Variants in MTOR observed in about 807,000 individuals in gnomAD.
MTOR encodes mechanistic target of rapamycin kinase.
MTOR carries 70 observed loss-of-function variants against 319.8 expected under a neutral mutation model. The observed-to-expected ratio is 0.22, with a 90% CI of 0.18 to 0.27. The LOEUF (loss-of-function observed/expected upper bound fraction) is 0.27. Among genes scored for constraint, MTOR ranks in the 10% least tolerant of loss-of-function variants. MTOR has a pLI of 1.00. For synonymous variants in MTOR, 1,183 were observed against 1,211.4 expected (o/e 0.98, Z 0.49); for missense variants, 1,890 against 3,274.4 (o/e 0.58, Z 10.32).
chr1:11,106,709 G>A lies in MTOR; in HGVS notation c.*776C>T. 1.7e-6 allele frequency: 2 copies of A among 1,186,460 alleles called. No individual in the cohort carries two copies. The highest frequency in any genetic ancestry group is 4.6e-5 in the South Asian group (2 of 43,532). 73.5% of individuals were successfully genotyped at this position (1,186,460 alleles called of 1,614,324 possible). ...TCAGCACCTCCATGACAGTATTTCT[G>A]TTTTCTGAGCCCTTGCTCTAAACAG... is the stretch of plus-strand genomic sequence containing the variant. On this transcript the variant is annotated 3_prime_UTR_variant, in exon 58 of 58. Transcript: ENST00000361445.
intron 29 of MTOR, among the ~76,000 whole-genome samples, chr1:11,162,644 A>G (rs975546704): frequency 1.6e-4 from 24 of 152,234 alleles, no homozygotes; most frequent in Non-Finnish European, 3.2e-4. Flanking sequence ...ATTCTTAAAG[A>G]GAAGAATTTT....
At chr1:11,171,203 A>G (rs558690863) in intron 28 of MTOR, among the ~76,000 whole-genome samples, 1 of 151,858 alleles carries the variant, frequency 6.6e-6, no homozygotes, top group Non-Finnish European at 1.5e-5. Flanking sequence ...TCAAAAAAAA[A>G]AAAAAGAAAA....
At chr1:11,243,078 T>TG in intron 9 of MTOR, 36 bp downstream of exon 9, 1 of 1,608,948 alleles carries the variant, frequency 6.2e-7, no homozygotes, top group Non-Finnish European at 8.5e-7. Context: ...TCCAACCAAA[T>TG]GGAGTGGAAG....
chr1:11,255,809 T>C (rs1310145487), intron 5 of MTOR, among the ~76,000 whole-genome samples, 183 bp downstream of exon 5: 1 of 142,176 alleles, frequency 7.0e-6, no homozygotes, highest in East Asian at 2.1e-4. Flanking sequence ...ATTGCGCCAC[T>C]GCACTCCAGC....
intron 1 of MTOR, among the ~76,000 whole-genome samples, chr1:11,262,026 AC>A (rs1557505034): frequency 6.6e-6 from 1 of 152,182 alleles, no homozygotes; most frequent in Non-Finnish European, 1.5e-5. Context: ...CAACGATGTA[AC>A]CAAGCTCAGT....
In MTOR at chr1:11,139,301, G is replaced by A. The variant is rs1467074162; in HGVS notation, c.5130+3C>T. 3.1e-6 allele frequency: 5 copies of A among 1,603,152 alleles called. No individual in the cohort carries two copies. In the South Asian group the frequency reaches 4.5e-5, roughly 14 times the overall value. On this transcript the variant is annotated splice_donor_region_variant and intron_variant, in intron 36 of 57. Coordinates refer to ENST00000361445, the MANE Select transcript of MTOR (RefSeq NM_004958.4). ...TCTGTTCTGGATGCATTGGGATACAGACCTTGCGGGCACTCTTCCACATGT... is the reference window on the plus strand; with the variant it reads ...TCTGTTCTGGATGCATTGGGATACAAACCTTGCGGGCACTCTTCCACATGT...
At position 11,206,697 on chromosome 1, in the gene MTOR, T is replaced by C. The variant is rs565359970; in HGVS notation, c.3802-1994A>G. ...CCTTTCCCCCTGCTCTGTAAAACAT[T>C]ATCAACTCTCAATTCTCTGGGTTCT... On this transcript the variant is annotated intron_variant, in intron 25 of 57. Coordinates refer to ENST00000361445, the MANE Select transcript of MTOR (RefSeq NM_004958.4). 2.6e-4 allele frequency among the ~76,000 whole-genome samples: 40 copies of C among 152,324 alleles called. No individual in the cohort carries two copies. In the South Asian group the frequency reaches 7.7e-3, roughly 29 times the overall value.
intron 15 of MTOR, 117 bp from the exon 16 acceptor site, chr1:11,232,645 A>G: frequency 2.8e-6 from 2 of 727,070 alleles, no homozygotes; most frequent in Non-Finnish European, 4.6e-6. Flanking sequence ...GAGGCTGAGG[A>G]GGGCAGATCA....
In MTOR at chr1:11,127,738, T is replaced by C. The variant is rs148128316; in HGVS notation, c.6102A>G (p.Ala2034=). The part of the protein sequence containing the change: ...HEMWHEGLEE[A]SRLYFGERNV... ...TCCTTTCCCCAAAGTACAAACGAGA[T>C]GCCTCTTCCAGGCCTTCATGCCACA... Residue 2034 remains alanine, a synonymous_variant, in exon 44 of 58, where the codon GCA becomes GCG. Coordinates refer to ENST00000361445, the MANE Select transcript of MTOR (RefSeq NM_004958.4). The surrounding 1 kb of genome is among the most constrained non-coding windows in gnomAD (Gnocchi z 5.5). The C allele has an allele frequency of 1.4e-5, 23 of 1,614,148 alleles. No individual in the cohort carries two copies. In the Admixed American group the frequency reaches 3.0e-4, roughly 21 times the overall value.
At chr1:11,132,283 A>G (rs1487776939) in intron 38 of MTOR, 2 of 152,234 alleles carry the variant, frequency 1.3e-5, no homozygotes, top group Non-Finnish European at 2.9e-5. Context: ...AGCTTTGGAC[A>G]TGCAAGCTGT....
chr1:11,174,675 G>GA (rs1248791201), intron 28 of MTOR, among the ~76,000 whole-genome samples: 3 of 152,216 alleles, frequency 2.0e-5, no homozygotes. Context: ...ACTGAAGGCA[G>GA]AGACTGTATG....
intron 56 of MTOR, 30 bp from the exon 57 acceptor site, chr1:11,108,316 T>C: frequency 1.3e-6 from 2 of 1,552,992 alleles, no homozygotes; most frequent in South Asian, 2.2e-5. Flanking sequence ...AACATTTCAC[T>C]CTCTTCCTGG....
intron 31 of MTOR, among the ~76,000 whole-genome samples, 175 bp from the exon 32 acceptor site, chr1:11,146,966 G>C (rs1291889380): frequency 6.6e-6 from 1 of 152,192 alleles, no homozygotes; most frequent in Non-Finnish European, 1.5e-5. Flanking sequence ...ACACTATGCA[G>C]GTTGACGTAA....
chr1:11,171,308 G>A (rs1644807366), intron 28 of MTOR, among the ~76,000 whole-genome samples: 1 of 151,386 alleles, frequency 6.6e-6, no homozygotes, highest in South Asian at 2.1e-4. Context: ...AAAGAGACAG[G>A]GTCTTGCTCT....
chr1:11,195,202 G>A (rs796400639), intron 28 of MTOR: 12 of 700,778 alleles, frequency 1.7e-5, no homozygotes, highest in African/African-American at 1.4e-4. Context: ...GGATGTTACA[G>A]TAAACAGGAT....
At chr1:11,259,899 T>A (rs527646834) in intron 1 of MTOR, among the ~76,000 whole-genome samples, 2 of 152,146 alleles carry the variant, frequency 1.3e-5, no homozygotes, top group Admixed American at 6.5e-5. Flanking sequence ...CACTGCACTG[T>A]CTCAAAACAA....
chr1:11,128,379 C>T lies in MTOR; in HGVS notation c.5910+75G>A, dbSNP rs1386901377. 1.0e-5 allele frequency: 15 copies of T among 1,474,822 alleles called. No individual in the cohort carries two copies. The highest frequency in any genetic ancestry group is 3.4e-5 in the Admixed American group (2 of 58,374). The allele number at this position is 1,474,822 out of a possible 1,614,324, so 91.4% of individuals were successfully genotyped here. On this transcript the variant is annotated intron_variant, in intron 42 of 57. Transcript: ENST00000361445. The surrounding 1 kb of genome is among the most constrained non-coding windows in gnomAD (Gnocchi z 5.3). ...TGGCTCCCAGTTCCTGCGCTTGTGT[C>T]GCCAGGGCAGCTTTTGGAAAGGCTG...
At chr1:11,167,151 G>A (rs534197173) in intron 29 of MTOR, among the ~76,000 whole-genome samples, 7 of 152,026 alleles carry the variant, frequency 4.6e-5, no homozygotes, top group South Asian at 2.1e-4. Context: ...TGTAAATGAC[G>A]AGTTAATGGG....
At chr1:11,163,603 C>G (rs1230168456) in intron 29 of MTOR, among the ~76,000 whole-genome samples, 1 of 152,208 alleles carries the variant, frequency 6.6e-6, no homozygotes, top group Non-Finnish European at 1.5e-5. Flanking sequence ...ACAGTGCAAT[C>G]AAACTAGAAC....
Sources: gnomAD v4.1 joint callset for allele counts (sites outside exome capture counted in the v4.1 genomes callset) on GRCh38, gnomAD v4.1.1 for gene constraint, Gnocchi (gnomAD v3.1) non-coding constraint, MANE v1.5 for transcripts, NCBI Gene and HGNC (gene_info 2026-07-23, HGNC 2026-07-21) for gene names.